WDR33: variants seen among roughly 807,000 people sequenced by gnomAD.
The protein encoded by WDR33 is pre-mRNA 3' end processing protein WDR33.
Under a neutral mutation model 164.9 loss-of-function variants are expected in WDR33, and 47 were observed. The observed-to-expected ratio is 0.29, with a 90% CI of 0.23 to 0.36. The LOEUF is 0.36. Among genes scored for constraint, WDR33 ranks in the 10% least tolerant of loss-of-function variants. The pLI, the probability that WDR33 is intolerant of heterozygous loss-of-function variation, is 1.00. For synonymous variants in WDR33, 505 were observed against 589.0 expected (o/e 0.86, Z 2.06); for missense variants, 1,137 against 1,754.1 (o/e 0.65, Z 6.28).
In WDR33 at chr2:127,701,501, T is replaced by C; in HGVS notation, c.*4822A>G. 7.8e-7 allele frequency: 1 copy of C among 1,280,502 alleles called. No homozygotes were observed. The allele number at this position is 1,280,502 out of a possible 1,614,324, so 79.3% of individuals were successfully genotyped here. On this transcript the variant is annotated 3_prime_UTR_variant, in exon 22 of 22. Coordinates refer to ENST00000322313, the MANE Select transcript of WDR33 (RefSeq NM_018383.5). The stretch of plus-strand genomic sequence containing the variant: ...GGAGGGCCGGAAGTGAGCCGCAGCT[T>C]TTCCTTTCTGCCACCGCCTTGTCCA...
intron 2 of WDR33, among the ~76,000 whole-genome samples, chr2:127,769,783 A>G (rs10198680): frequency 0.021 from 3,243 of 152,280 alleles, 126 homozygotes; most frequent in African/African-American, 0.075. Flanking sequence ...TTAACCACAG[A>G]TCTAAGGTAA....
Position 127,706,474 on chromosome 2 carries a change from C to T in WDR33, c.3860G>A (p.Gly1287Glu), listed in dbSNP as rs1558916688. The change falls in exon 22 of 22, where the codon GGA becomes GAA. Residue 1287 changes from glycine to glutamate, a missense_variant. By Grantham distance (98) the Gly-to-Glu change is moderately conservative (BLOSUM62 -2). Transcript: ENST00000322313. The surrounding 1 kb of genome is among the most constrained non-coding windows in gnomAD (Gnocchi z 5.1). ...SSSLDGEHHD[G>E]YHRDEPFGGP... ...CCCAAAAGGTTCATCTCTGTGGTATCCATCGTGGTGCTCTCCGTCTAAGGA... is the reference window on the plus strand; with the variant it reads ...CCCAAAAGGTTCATCTCTGTGGTATTCATCGTGGTGCTCTCCGTCTAAGGA... The T allele has an allele frequency of 2.5e-6, 4 of 1,613,656 alleles. No individual in the cohort carries two copies. The highest frequency in any genetic ancestry group is 3.4e-6 in the Non-Finnish European group (4 of 1,179,822).
intron 1 of WDR33, among the ~76,000 whole-genome samples, chr2:127,790,107 G>C (rs1688793315): frequency 6.6e-6 from 1 of 152,164 alleles, no homozygotes; most frequent in South Asian, 2.1e-4. Context: ...AAAGTGATGG[G>C]ATTACAGGCA....
intron 7 of WDR33, chr2:127,737,923 CTA>C (rs1198292118): frequency 5.1e-6 from 8 of 1,556,016 alleles, no homozygotes; most frequent in Admixed American, 2.0e-5. Context: ...TAATTTGAAT[CTA>C]TGTTTTGCCA....
intron 7 of WDR33, among the ~76,000 whole-genome samples, chr2:127,753,043 C>T (rs1427138204): frequency 1.3e-5 from 2 of 152,230 alleles, no homozygotes; most frequent in African/African-American, 4.8e-5. Flanking sequence ...TCTCTTGCCT[C>T]AGCCTCCCGA....
chr2:127,791,780 TTTTTC>T (rs1021209803), intron 1 of WDR33, among the ~76,000 whole-genome samples: 3 of 152,152 alleles, frequency 2.0e-5, no homozygotes, highest in African/African-American at 4.8e-5. Context: ...GAAATTGTCT[TTTTTC>T]TTTTCAACTA....
intron 1 of WDR33, among the ~76,000 whole-genome samples, chr2:127,791,494 G>A (rs1688844425): frequency 6.6e-6 from 1 of 152,042 alleles, no homozygotes; most frequent in Non-Finnish European, 1.5e-5. Context: ...CTCTCTTTCT[G>A]GCTTGACGGA....
At chr2:127,797,496 A>C (rs1476480890) in intron 1 of WDR33, among the ~76,000 whole-genome samples, 3 of 152,152 alleles carry the variant, frequency 2.0e-5, no homozygotes, top group Non-Finnish European at 2.9e-5. Context: ...CGTCACACAC[A>C]AAAAAAGATA....
intron 1 of WDR33, among the ~76,000 whole-genome samples, chr2:127,795,937 T>G (rs978861398): frequency 2.6e-5 from 4 of 151,832 alleles, no homozygotes; most frequent in African/African-American, 9.7e-5. Context: ...AAAAGCAACC[T>G]TGATGGAATG....
intron 7 of WDR33, among the ~76,000 whole-genome samples, chr2:127,746,569 C>T (rs1573909631): frequency 6.6e-6 from 1 of 152,218 alleles, no homozygotes; most frequent in East Asian, 1.9e-4. Context: ...GTATCATTAG[C>T]TCTCCTTTAC....
intron 1 of WDR33, among the ~76,000 whole-genome samples, chr2:127,790,246 C>T (rs1281323904): frequency 6.6e-6 from 1 of 152,200 alleles, no homozygotes; most frequent in Non-Finnish European, 1.5e-5. Context: ...ATTATCCTGA[C>T]TGATTTTCAA....
At chr2:127,757,068 A>G (rs6718094) in intron 7 of WDR33, among the ~76,000 whole-genome samples, 1 of 147,170 alleles carries the variant, frequency 6.8e-6, no homozygotes, top group Non-Finnish European at 1.5e-5. Flanking sequence ...CAGACCAAGA[A>G]CCTGTCTCCA....
chr2:127,719,359 G>T lies in WDR33; in HGVS notation c.2666C>A (p.Pro889Gln). Residue 889 changes from proline (P) to glutamine (Q), a missense_variant, in exon 16 of 22, where the codon CCA (proline) becomes CAA (glutamine). By Grantham distance (76) the Pro-to-Gln change is moderately conservative. This residue lies in a region of WDR33 where 867 missense variants were observed against 1,073.0 expected (regional missense o/e 0.81). Coordinates refer to ENST00000322313, the MANE Select transcript of WDR33 (RefSeq NM_018383.5). This position sits in a 1 kb window ranked among gnomAD's most constrained non-coding sequence, Gnocchi z 6.5. ...GPPGPQGQQN[P>Q]ARGPHPSQGP... ...TTGAGATGGATGTGGCCCTCTTGCT[G>T]GGTTCTGCTGTCCCTGAGGTCCGGG... 1 of 1,510,360 alleles carries T rather than the reference G, an allele frequency of 6.6e-7. No homozygotes were observed. 93.6% of individuals were successfully genotyped at this position (1,510,360 alleles called of 1,614,324 possible).
chr2:127,727,921 G>A (rs1263168568), intron 7 of WDR33, among the ~76,000 whole-genome samples: 3 of 152,166 alleles, frequency 2.0e-5, no homozygotes, highest in African/African-American at 7.2e-5. Flanking sequence ...TAGAGGCACC[G>A]ACAGTGATTT....
intron 8 of WDR33, 101 bp from the exon 9 acceptor site, chr2:127,725,316 T>C: frequency 2.4e-6 from 3 of 1,235,166 alleles, no homozygotes; most frequent in Non-Finnish European, 3.3e-6. Context: ...GGCAAGAGGT[T>C]TGGCCTAGAA....
At chr2:127,751,362 AAATAATAATAATAATAAT>A (rs61554819) in intron 7 of WDR33, among the ~76,000 whole-genome samples, 7 of 136,846 alleles carry the variant, frequency 5.1e-5, no homozygotes, top group South Asian at 2.4e-4. Context: ...CCTTATCTCA[AAATAATAATAATAATAAT>A]AATAATAATA....
rs1685875989 is a variant in WDR33 at position 127,701,506 on chromosome 2, T to G, written c.*4817A>C. ...GCCGGAAGTGAGCCGCAGCTTTTCC[T>G]TTCTGCCACCGCCTTGTCCAAGATG... On this transcript the variant is annotated 3_prime_UTR_variant, in exon 22 of 22. Coordinates refer to ENST00000322313, the MANE Select transcript of WDR33 (RefSeq NM_018383.5). 7.8e-7 allele frequency: 1 copy of G among 1,285,612 alleles called. No individual in the cohort carries two copies. The highest frequency in any genetic ancestry group is 9.9e-7 in the Non-Finnish European group (1 of 1,012,908). The allele number at this position is 1,285,612 out of a possible 1,614,324, so 79.6% of individuals were successfully genotyped here. A position where few individuals can be genotyped will look rare whatever the true frequency, so the allele number is the denominator to read the frequency against.
intron 7 of WDR33, among the ~76,000 whole-genome samples, chr2:127,749,446 G>A (rs1342095168): frequency 2.6e-5 from 4 of 152,118 alleles, no homozygotes; most frequent in African/African-American, 4.8e-5. Context: ...TGGATCACCC[G>A]AGGTCAGGGG....
Position 127,750,745 on chromosome 2 carries a change from C to CATATAT in WDR33, c.724+12311_724+12316dup, listed in dbSNP as rs3991688. Among the ~76,000 whole-genome samples the CATATAT allele has an allele frequency of 7.5e-4, 59 of 78,208 alleles. 3 individuals are homozygous for CATATAT. Among genetic ancestry groups the CATATAT allele is most frequent in the African/African-American group, 3.0e-3 (55 of 18,036 alleles). 51.3% of individuals were successfully genotyped at this position (78,208 alleles called of 152,430 possible). A position where few individuals can be genotyped will look rare whatever the true frequency, so the allele number is the denominator to read the frequency against. ...ATGCATACATATATATGTATGCATA[C>CATATAT]ATATATATGTATACATACATATATA... is the stretch of plus-strand genomic sequence containing the variant. On this transcript the variant is annotated intron_variant, in intron 7 of 21. Transcript: ENST00000322313.
Sources: gnomAD v4.1 joint callset for allele counts (sites outside exome capture counted in the v4.1 genomes callset) on GRCh38, gnomAD v4.1.1 for gene constraint, gnomAD v4.1.1 regional missense constraint, Gnocchi (gnomAD v3.1) non-coding constraint, MANE v1.5 for transcripts, NCBI Gene and HGNC (gene_info 2026-07-23, HGNC 2026-07-21) for gene names.